The following STAB1 variants were observed in gnomAD, a reference collection of about 807,000 sequenced individuals.
STAB1 encodes the protein stabilin 1, also known as stabilin-1.
In STAB1, 250 loss-of-function variants were observed where a neutral mutation model predicts 332.4. That is an observed-to-expected ratio of 0.75 (90% CI 0.68 to 0.84). The LOEUF (loss-of-function observed/expected upper bound fraction) is 0.84, where lower values mean the gene tolerates loss of function less well. Among genes scored for constraint, STAB1 ranks in the 40% least tolerant of loss-of-function variants. The pLI is 0.00. For missense variants in STAB1, 3,249 were observed against 3,489.7 expected, an observed-to-expected ratio of 0.93 and a Z score of 1.74; for synonymous variants, 1,475 against 1,390.4, an observed-to-expected ratio of 1.06 and a Z score of -1.35.
At chr3:52,496,024 C>T (rs1707994687) in intron 1 of STAB1, among the ~76,000 whole-genome samples, 1 of 152,252 alleles carries the variant, frequency 6.6e-6, no homozygotes, top group South Asian at 2.1e-4. Flanking sequence ...CAGCCACAGC[C>T]CCGGGCAGGT....
intron 8 of STAB1, 100 bp from the exon 9 acceptor site, chr3:52,503,672 C>G: frequency 6.4e-7 from 1 of 1,572,484 alleles, no homozygotes; most frequent in Admixed American, 1.8e-5. Context: ...GATAAGGGTC[C>G]TCTTCAGGGA....
chr3:52,516,908 C>T, intron 41 of STAB1, 76 bp from the exon 42 acceptor site: 1 of 1,600,940 alleles, frequency 6.2e-7, no homozygotes, highest in Non-Finnish European at 8.5e-7. Context: ...CTTTTCCTTT[C>T]TCTCACGCCC....
At chr3:52,518,975 T>A (rs2078978153) in intron 48 of STAB1, 106 bp downstream of exon 48, 1 of 1,251,048 alleles carries the variant, frequency 8.0e-7, no homozygotes, top group East Asian at 2.8e-5. Context: ...CCACCTCCCC[T>A]AGCCAGGGGG....
At chr3:52,506,498 G>A (rs1417730071) in intron 17 of STAB1, among the ~76,000 whole-genome samples, 194 bp from the exon 18 acceptor site, 1 of 152,248 alleles carries the variant, frequency 6.6e-6, no homozygotes, top group Non-Finnish European at 1.5e-5. Context: ...GAAGCCATGT[G>A]GGTAAGGACC....
chr3:52,509,416 G>C (rs1709127708), intron 22 of STAB1, 95 bp downstream of exon 22: 1 of 1,092,946 alleles, frequency 9.1e-7, no homozygotes, highest in African/African-American at 1.6e-5. Flanking sequence ...GAAGCCCCAG[G>C]AGGAGGGACG....
chr3:52,507,901 C>G (rs1271027164), intron 19 of STAB1, 30 bp from the exon 20 acceptor site: 2 of 1,601,426 alleles, frequency 1.2e-6, no homozygotes, highest in African/African-American at 2.7e-5. Context: ...AACCCACACC[C>G]ACTGACTGGC....
At chr3:52,499,471 C>G (rs919854314) in intron 1 of STAB1, among the ~76,000 whole-genome samples, 4 of 152,350 alleles carry the variant, frequency 2.6e-5, no homozygotes, top group Non-Finnish European at 5.9e-5. Flanking sequence ...ACCCCAAGCC[C>G]TCTCAAATAT....
In STAB1 at chr3:52,517,536, A is replaced by C. The variant is rs966973362; in HGVS notation, c.4564-14A>C. ...TTGGCTCCCAGCAGCCCCACTGATC[A>C]AGACTGGGGACAGGTCTCCTGCAGC... On this transcript the variant is annotated splice_polypyrimidine_tract_variant and intron_variant, in intron 43 of 68. Coordinates refer to ENST00000321725, the MANE Select transcript of STAB1 (RefSeq NM_015136.3). 6.2e-7 allele frequency: 1 copy of C among 1,611,712 alleles called. No homozygotes were observed. The highest frequency in any genetic ancestry group is 8.5e-7 in the Non-Finnish European group (1 of 1,179,472).
At chr3:52,502,263 G>T (rs769429961) in intron 5 of STAB1, 35 bp downstream of exon 5, 2 of 1,600,106 alleles carry the variant, frequency 1.2e-6, no homozygotes, top group Middle Eastern at 2.1e-4. Context: ...CACGGCCAGC[G>T]TCCACCTGGG....
rs200401525 is a variant in STAB1 at position 52,520,674 on chromosome 3, C to T, written c.5682C>T (p.Pro1894=). The T allele has an allele frequency of 6.3e-7, 1 of 1,578,426 alleles. No individual in the cohort carries two copies. Among genetic ancestry groups the T allele is most frequent in the East Asian group, 2.4e-5 (1 of 42,458 alleles). ...GCAGCATCTGTGGGCTGGAGCCACC[C>T]TGTCCTGAGGGGTCACAGGAGCAGG... ...NTCSICGLEP[P]CPEGSQEQGS... is the part of the protein sequence containing the mutation. Residue 1894 remains proline (P), a synonymous_variant, in exon 54 of 69, where the codon CCC becomes CCT. Transcript: ENST00000321725.
intron 25 of STAB1, 106 bp downstream of exon 25, chr3:52,510,613 C>G (rs2153233475): frequency 7.0e-7 from 1 of 1,428,176 alleles, no homozygotes; most frequent in African/African-American, 1.4e-5. Context: ...TCTGGAGCCT[C>G]AGGTGCAGAT....
rs377568584 is a variant in STAB1, at chr3:52,523,137, G to A, written c.7020+3G>A. The stretch of plus-strand genomic sequence containing the variant: ...CCAACTTCTCCACCTTCTATGGGGT[G>A]TGTGGGGGCCACCCTTGGGGGCGGG... On this transcript the variant is annotated splice_donor_region_variant and intron_variant, in intron 63 of 68. Transcript: ENST00000321725. 1.9e-5 allele frequency: 31 copies of A among 1,602,366 alleles called. No homozygotes were observed. The highest frequency in any genetic ancestry group is 2.6e-5 in the Non-Finnish European group (30 of 1,174,812).
Position 52,510,130 on chromosome 3 carries a change from A to G in STAB1, c.2535-12A>G, listed in dbSNP as rs1314158488. On this transcript the variant is annotated splice_polypyrimidine_tract_variant and intron_variant, in intron 23 of 68. Coordinates refer to ENST00000321725, the MANE Select transcript of STAB1 (RefSeq NM_015136.3). ...GAGGCTCACTGGAGCCCCCTCCTTC[A>G]CCCACCCCCAGATGTCGCTGTCTTG... The G allele has an allele frequency of 6.2e-7, 1 of 1,613,378 alleles. No individual in the cohort carries two copies. Among genetic ancestry groups the G allele is most frequent in the African/African-American group, 1.3e-5 (1 of 74,760 alleles).
chr3:52,521,310 G>A (rs1369143449), intron 55 of STAB1, 51 bp from the exon 56 acceptor site: 4 of 1,610,406 alleles, frequency 2.5e-6, no homozygotes, highest in South Asian at 2.2e-5. Context: ...GTATATGGGG[G>A]TCCTGGTGAG....
Position 52,511,717 on chromosome 3 carries a change from G to A in STAB1, c.2855G>A (p.Arg952Gln), listed in dbSNP as rs142570156. The change falls in exon 26 of 69, where the codon CGG (arginine) becomes CAG (glutamine). Residue 952 changes from arginine to glutamine, a missense_variant. By Grantham distance (43) the Arg-to-Gln change is conservative. Transcript: ENST00000321725. ...CAGTGCAGCCCCATCGACCCCTGCC[G>A]GGCAGGCAATGGCGGCTGCCACGGC... is the stretch of plus-strand genomic sequence containing the variant. ...GYQCSPIDPC[R>Q]AGNGGCHGLA... is the part of the protein sequence containing the mutation. The A allele has an allele frequency of 5.9e-4, 947 of 1,605,464 alleles. 2 individuals are homozygous for A. The highest frequency in any genetic ancestry group is 6.3e-4 in the Non-Finnish European group (746 of 1,175,292).
At position 52,518,679 on chromosome 3, in the gene STAB1, A is replaced by AGGC; in HGVS notation, c.4888-40_4888-38dup. The stretch of plus-strand genomic sequence containing the variant: ...TCTGGTGGTGGCCCTGCGTGGGCTG[A>AGGC]GGCGGCAGTCAGGGACCCCACTCCC... On this transcript the variant is annotated intron_variant, in intron 47 of 68. Coordinates refer to ENST00000321725, the MANE Select transcript of STAB1 (RefSeq NM_015136.3). The AGGC allele has an allele frequency of 2.5e-6, 4 of 1,611,900 alleles. No homozygotes were observed. The South Asian group carries it at 4.4e-5, about 18-fold the overall frequency.
At position 52,521,385 on chromosome 3, in the gene STAB1, C is replaced by T. The variant is rs763225035; in HGVS notation, c.5933C>T (p.Pro1978Leu). 2 of 1,613,970 alleles carry T rather than the reference C, an allele frequency of 1.2e-6. No homozygotes were observed. Among genetic ancestry groups the T allele is most frequent in the Admixed American group, 3.3e-5 (2 of 60,022 alleles). ...CQACPGGPSS[P>L]CSDRGVCMDG... is the part of the protein sequence containing the mutation. ...GCTTGCCCTGGCGGCCCCAGCAGCCCTTGTAGTGACCGTGGCGTGTGCATG... is the reference window on the plus strand; with the variant it reads ...GCTTGCCCTGGCGGCCCCAGCAGCCTTTGTAGTGACCGTGGCGTGTGCATG... The change falls in exon 56 of 69, where the codon CCT becomes CTT. Residue 1978 changes from proline (P) to leucine (L), a missense_variant. Pro to Leu is a moderately conservative substitution (Grantham distance 98). Coordinates refer to ENST00000321725, the MANE Select transcript of STAB1 (RefSeq NM_015136.3).
At chr3:52,503,198 T>TG (rs1708581462) in intron 7 of STAB1, 89 bp downstream of exon 7, 6 of 1,502,496 alleles carry the variant, frequency 4.0e-6, no homozygotes, top group South Asian at 3.6e-5. Flanking sequence ...GCAATGTAAT[T>TG]CACAAGGAGG....
At position 52,524,117 on chromosome 3, in the gene STAB1, T is replaced by C. The variant is rs13621; in HGVS notation, c.7560T>C (p.Asp2520=). 716,424 of 1,613,538 alleles carry C rather than the reference T, an allele frequency of 0.44. 161,974 individuals are homozygous for C. The highest frequency in any genetic ancestry group is 0.55 in the Admixed American group (32,960 of 60,016). ...FSAFQAEDDA[D]DDFSPWQEGT... ...GCTCCCAGGCGGAAGATGATGCTGA[T>C]GACGACTTCTCACCGTGGCAAGAAG... The change falls in exon 68 of 69, where the codon GAT becomes GAC. Residue 2520 remains aspartate, a synonymous_variant. Coordinates refer to ENST00000321725, the MANE Select transcript of STAB1 (RefSeq NM_015136.3).
Sources: gnomAD v4.1 joint callset for allele counts (sites outside exome capture counted in the v4.1 genomes callset) on GRCh38, gnomAD v4.1.1 for gene constraint, MANE v1.5 for transcripts, NCBI Gene and HGNC (gene_info 2026-07-23, HGNC 2026-07-21) for gene names.